SPTLC3: variants seen among roughly 807,000 people sequenced by gnomAD.
SPTLC3 encodes serine palmitoyltransferase 3.
Under a neutral mutation model 59.3 loss-of-function variants are expected in SPTLC3, and 36 were observed. That is an observed-to-expected ratio of 0.61 (90% CI 0.47 to 0.80). The LOEUF (loss-of-function observed/expected upper bound fraction) is 0.80. Among genes scored for constraint, SPTLC3 ranks in the 30% least tolerant of loss-of-function variants. The probability of loss-of-function intolerance (pLI) is 0.00; values close to 1 mark genes in which losing one functional copy is unlikely to be tolerated. For missense variants in SPTLC3, 625 were observed against 685.1 expected (o/e 0.91, Z 0.98); for synonymous variants, 257 against 240.8 (o/e 1.07, Z -0.62).
rs538234778 is a variant in SPTLC3 at position 13,122,797 on chromosome 20, T to C, written c.1153-3794T>C. On this transcript the variant is annotated intron_variant, in intron 8 of 11. Transcript: ENST00000399002. ...TGGGTACTCCCTTATTGAAAATGTC[T>C]CTCTTTTCCTTTCTTTTCACTCCTA... is the stretch of plus-strand genomic sequence containing the variant. Among the ~76,000 whole-genome samples, 68 of 152,306 alleles carry C rather than the reference T, an allele frequency of 4.5e-4. No homozygotes were observed. The South Asian group carries it at 0.013, about 30-fold the overall frequency.
intron 9 of SPTLC3, among the ~76,000 whole-genome samples, chr20:13,141,097 G>C (rs1406511343): frequency 6.6e-6 from 1 of 152,062 alleles, no homozygotes; most frequent in Non-Finnish European, 1.5e-5. Context: ...GGGCATTGAG[G>C]GGGGAAAGAA....
chr20:13,044,847 T>C (rs990106101), intron 1 of SPTLC3, among the ~76,000 whole-genome samples: 1 of 152,150 alleles, frequency 6.6e-6, no homozygotes, highest in South Asian at 2.1e-4. Flanking sequence ...ATCATCTTCA[T>C]TGTTATGCTC....
chr20:13,053,690 C>T (rs1281648481), intron 2 of SPTLC3, among the ~76,000 whole-genome samples: 5 of 152,114 alleles, frequency 3.3e-5, no homozygotes, highest in African/African-American at 1.2e-4. Flanking sequence ...TAGAGAAGAA[C>T]ATAAATGACC....
chr20:13,160,282 C>A, intron 11 of SPTLC3, 150 bp downstream of exon 11: 2 of 910,304 alleles, frequency 2.2e-6, no homozygotes, highest in Non-Finnish European at 3.1e-6. Flanking sequence ...AAAACAAGAG[C>A]TCGTCAACAA....
intron 1 of SPTLC3, among the ~76,000 whole-genome samples, chr20:13,048,245 A>C (rs2122495844): frequency 6.6e-6 from 1 of 152,298 alleles, no homozygotes; most frequent in East Asian, 1.9e-4. Context: ...GTTGCTCAAA[A>C]TTTGTCTTTC....
At chr20:13,027,002 T>C (rs1028477778) in intron 1 of SPTLC3, among the ~76,000 whole-genome samples, 2 of 152,108 alleles carry the variant, frequency 1.3e-5, no homozygotes, top group Non-Finnish European at 2.9e-5. Flanking sequence ...TTCTTAGGTG[T>C]GTTCTACACT....
chr20:13,047,405 G>A (rs879902378), intron 1 of SPTLC3, among the ~76,000 whole-genome samples: 39 of 152,172 alleles, frequency 2.6e-4, no homozygotes, highest in Middle Eastern at 3.4e-3. Flanking sequence ...ACATATATAT[G>A]TATAAGCTAA....
chr20:13,014,678 G>A (rs1985430186), intron 1 of SPTLC3, among the ~76,000 whole-genome samples: 1 of 151,956 alleles, frequency 6.6e-6, no homozygotes, highest in Non-Finnish European at 1.5e-5. Flanking sequence ...GCACAGAAGG[G>A]AAGGAAGCCG....
chr20:13,163,367 CAAAAAAAAAAAA>C (rs56217510), intron 11 of SPTLC3, among the ~76,000 whole-genome samples: 2 of 90,086 alleles, frequency 2.2e-5, no homozygotes, highest in East Asian at 3.0e-4. Context: ...GACGCTGTCT[CAAAAAAAAAAAA>C]AAAAAAAAAA....
rs1055814237 is a variant in SPTLC3 at position 13,123,274 on chromosome 20, T to A, written c.1153-3317T>A. On this transcript the variant is annotated intron_variant, in intron 8 of 11. Transcript: ENST00000399002. The stretch of plus-strand genomic sequence containing the variant: ...GGAGCCCAGGAGACGAAGGTTGCAG[T>A]GAGCCAAGGTCATGCCACTGCACTC... Among the ~76,000 whole-genome samples, 9 of 151,336 alleles carry A rather than the reference T, an allele frequency of 5.9e-5. No homozygotes were observed. In the East Asian group the frequency reaches 1.7e-3, roughly 29 times the overall value.
In SPTLC3 at chr20:13,104,974, G is replaced by A. The variant is rs185591020; in HGVS notation, c.827-5138G>A. On this transcript the variant is annotated intron_variant, in intron 6 of 11. Coordinates refer to ENST00000399002, the MANE Select transcript of SPTLC3 (RefSeq NM_018327.4). ...GAGGTGTCATGGGGATTAACATAAT[G>A]CAAGTGTAAGTGCCTTAATAAGCAT... Among the ~76,000 whole-genome samples the A allele has an allele frequency of 2.0e-3, 308 of 152,104 alleles. 1 individual carries two copies. Among genetic ancestry groups the A allele is most frequent in the Middle Eastern group, 6.8e-3 (2 of 294 alleles).
intron 1 of SPTLC3, among the ~76,000 whole-genome samples, chr20:13,018,493 C>T (rs950235575): frequency 1.3e-5 from 2 of 152,184 alleles, no homozygotes; most frequent in African/African-American, 4.8e-5. Flanking sequence ...AATGCAAAAG[C>T]ACACCCATTT....
At chr20:13,016,817 T>C (rs896331012) in intron 1 of SPTLC3, among the ~76,000 whole-genome samples, 2 of 152,160 alleles carry the variant, frequency 1.3e-5, no homozygotes, top group Non-Finnish European at 2.9e-5. Context: ...ATAATAATTA[T>C]AATAATCTTT....
intron 9 of SPTLC3, among the ~76,000 whole-genome samples, chr20:13,143,508 C>A (rs2038434639): frequency 6.6e-6 from 1 of 152,170 alleles, no homozygotes; most frequent in Admixed American, 6.5e-5. Context: ...AGAGGAAGTA[C>A]CTTGCCCAAG....
At chr20:13,030,565 C>T (rs1986388602) in intron 1 of SPTLC3, among the ~76,000 whole-genome samples, 1 of 152,174 alleles carries the variant, frequency 6.6e-6, no homozygotes, top group Non-Finnish European at 1.5e-5. Context: ...GCATCACCTC[C>T]TCAGCCTATT....
chr20:13,128,106 G>A (rs1217763796), intron 9 of SPTLC3, among the ~76,000 whole-genome samples: 1 of 152,188 alleles, frequency 6.6e-6, no homozygotes, highest in East Asian at 1.9e-4. Flanking sequence ...TGAGAAGTAG[G>A]CAAATTAATC....
intron 4 of SPTLC3, among the ~76,000 whole-genome samples, chr20:13,090,882 T>G (rs1362850415): frequency 7.6e-6 from 1 of 131,204 alleles, no homozygotes; most frequent in Non-Finnish European, 1.7e-5. Flanking sequence ...AATTCCACTG[T>G]ATAAATACCC....
rs749941595 is a variant in SPTLC3, at chr20:13,154,139, G to T, written c.1415+1G>T. 1.2e-6 allele frequency: 2 copies of T among 1,613,970 alleles called. No individual in the cohort carries two copies. Among genetic ancestry groups the T allele is most frequent in the South Asian group, 2.2e-5 (2 of 91,054 alleles). ...TTCTTTATATGCCTGGTAAAGTAGC[G>T]TAAGTATCCAAGGCATCTCATAATC... On this transcript the variant is annotated splice_donor_variant, in intron 10 of 11. Coordinates refer to ENST00000399002, the MANE Select transcript of SPTLC3 (RefSeq NM_018327.4). LOFTEE classifies it high-confidence loss of function.
intron 9 of SPTLC3, 42 bp downstream of exon 9, chr20:13,126,759 T>C: frequency 6.2e-7 from 1 of 1,608,992 alleles, no homozygotes; most frequent in Non-Finnish European, 8.5e-7. Context: ...GACCTCTCTG[T>C]CTCCCTTCTG....
Sources: allele counts gnomAD v4.1 joint callset (sites outside exome capture counted in the v4.1 genomes callset), GRCh38; gene constraint gnomAD v4.1.1; transcripts MANE v1.5; gene names NCBI Gene and HGNC (gene_info 2026-07-23, HGNC 2026-07-21).